TMEM117: variants seen among roughly 807,000 people sequenced by gnomAD.
TMEM117 encodes transmembrane protein 117.
A neutral mutation model predicts 52.4 loss-of-function variants in TMEM117; 27 were observed. The ratio of observed to expected loss-of-function variants is 0.51; its 90% CI spans 0.38 to 0.71. TMEM117 has a LOEUF of 0.71. Ranked by LOEUF, TMEM117 falls within the 30% of genes least tolerant of loss-of-function variation. TMEM117 has a pLI of 0.00. For missense variants in TMEM117, 556 were observed against 630.5 expected (o/e 0.88, Z 1.26); for synonymous variants, 215 against 206.3 (o/e 1.04, Z -0.36).
the TMEM117 span, among the ~76,000 whole-genome samples, chr12:43,807,729 A>G: frequency 2.6e-5 from 4 of 152,130 alleles, no homozygotes; most frequent in African/African-American, 9.7e-5. Flanking sequence ...AGGAATGTCT[A>G]GTTAGGTTGG....
chr12:43,941,819 A>G (rs953754271), intron 2 of TMEM117, among the ~76,000 whole-genome samples: 3 of 152,222 alleles, frequency 2.0e-5, no homozygotes, highest in African/African-American at 4.8e-5. Context: ...TGAGCTTGGC[A>G]GTGACAGCAT....
At chr12:44,225,192 A>T (rs1592621247) in intron 5 of TMEM117, among the ~76,000 whole-genome samples, 1 of 152,202 alleles carries the variant, frequency 6.6e-6, no homozygotes, top group South Asian at 2.1e-4. Flanking sequence ...GAGAAAGAAC[A>T]TACAACTTTT....
At chr12:44,088,653 G>T (rs1282944628) in intron 3 of TMEM117, among the ~76,000 whole-genome samples, 4 of 152,164 alleles carry the variant, frequency 2.6e-5, no homozygotes, top group Non-Finnish European at 4.4e-5. Context: ...TTCATTCAAG[G>T]TTAATCTGAA....
the TMEM117 span, among the ~76,000 whole-genome samples, chr12:43,796,434 CTTAAGAAAAT>C: frequency 2.0e-5 from 3 of 152,024 alleles, no homozygotes; most frequent in Admixed American, 1.3e-4. Context: ...CTTATCTGTA[CTTAAGAAAAT>C]TTAAGAAAAT....
chr12:43,799,527 T>C, the TMEM117 span: 1 of 1,332,456 alleles, frequency 7.5e-7, no homozygotes, highest in East Asian at 2.4e-5. Context: ...TAGACTATAA[T>C]CAGTAATTCT....
chr12:43,832,780 T>C (rs1942990119), upstream of TMEM117, among the ~76,000 whole-genome samples: 1 of 152,200 alleles, frequency 6.6e-6, no homozygotes, highest in Admixed American at 6.5e-5. Flanking sequence ...TTGTGAGATC[T>C]TGAATGAACT....
At chr12:44,033,722 A>C (rs1946669376) in intron 3 of TMEM117, among the ~76,000 whole-genome samples, 1 of 152,226 alleles carries the variant, frequency 6.6e-6, no homozygotes, top group African/African-American at 2.4e-5. Flanking sequence ...CTAAGTGTAG[A>C]AGCACATTTT....
At chr12:44,390,866 C>G (rs73092511), downstream of TMEM117, among the ~76,000 whole-genome samples, 7,449 of 152,102 alleles carry the variant, frequency 0.049, 224 homozygotes, top group Middle Eastern at 0.13. Context: ...ATGAAATAAA[C>G]TAAAAATTAA....
At chr12:44,160,395 C>T (rs768242888) in intron 4 of TMEM117, among the ~76,000 whole-genome samples, 6 of 152,070 alleles carry the variant, frequency 3.9e-5, no homozygotes, top group Admixed American at 6.6e-5. Flanking sequence ...CAGTGCAGTA[C>T]GATCCACCAA....
chr12:44,151,181 A>G (rs1565849704), intron 4 of TMEM117, among the ~76,000 whole-genome samples: 6 of 151,968 alleles, frequency 3.9e-5, no homozygotes. Context: ...GGGGATGCTC[A>G]TTTTTCATCT....
chr12:44,090,913 T>C (rs1947660958), intron 3 of TMEM117, among the ~76,000 whole-genome samples: 1 of 150,292 alleles, frequency 6.7e-6, no homozygotes, highest in Middle Eastern at 3.2e-3. Flanking sequence ...TTACCTCTGA[T>C]AGAGTGTATT....
chr12:43,806,454 G>A, the TMEM117 span: 4 of 1,036,348 alleles, frequency 3.9e-6, no homozygotes, highest in Admixed American at 1.0e-4. Flanking sequence ...CCAGCCCCCG[G>A]CCTCGCTATC....
chr12:44,156,394 G>A (rs1360597004), intron 4 of TMEM117, among the ~76,000 whole-genome samples: 1 of 151,948 alleles, frequency 6.6e-6, no homozygotes, highest in African/African-American at 2.4e-5. Flanking sequence ...TGTTTAGTTG[G>A]GTGCTCTAAT....
At chr12:44,392,982 A>C (rs1412475755), downstream of TMEM117, among the ~76,000 whole-genome samples, 1 of 152,142 alleles carries the variant, frequency 6.6e-6, no homozygotes, top group Non-Finnish European at 1.5e-5. Context: ...TTATCAGCAT[A>C]TAAAAGCTGA....
chr12:44,147,216 G>T (rs7969885), intron 4 of TMEM117, among the ~76,000 whole-genome samples: 40,770 of 152,092 alleles, frequency 0.27, 9,810 homozygotes, highest in African/African-American at 0.65. Context: ...AGAGAAAAGC[G>T]CTGTCATGAA....
chr12:44,265,508 G>A (rs1950367395), intron 5 of TMEM117, among the ~76,000 whole-genome samples: 1 of 152,150 alleles, frequency 6.6e-6, no homozygotes, highest in African/African-American at 2.4e-5. Flanking sequence ...GTGAGAGAGG[G>A]CAGAGCTTTG....
chr12:44,105,387 A>C (rs961529777), intron 3 of TMEM117, among the ~76,000 whole-genome samples: 2 of 151,990 alleles, frequency 1.3e-5, no homozygotes, highest in African/African-American at 4.8e-5. Context: ...CTCTATTAGA[A>C]TCTTTAGAAT....
Position 44,237,457 on chromosome 12 carries a change from C to T in TMEM117, c.608+26070C>T, listed in dbSNP as rs530791232. On this transcript the variant is annotated intron_variant, in intron 5 of 7. Coordinates refer to ENST00000266534, the MANE Select transcript of TMEM117 (RefSeq NM_032256.3). ...ACTATAGGCCAGGCATGGTGGCTCA[C>T]GCCTGTAATCCTAGCACTCTGAGAA... 7.9e-5 allele frequency among the ~76,000 whole-genome samples: 12 copies of T among 152,178 alleles called. No individual in the cohort carries two copies. The South Asian group carries it at 1.0e-3, about 13-fold the overall frequency.
At chr12:44,001,499 A>C (rs1946116207) in intron 3 of TMEM117, among the ~76,000 whole-genome samples, 1 of 152,138 alleles carries the variant, frequency 6.6e-6, no homozygotes, top group African/African-American at 2.4e-5. Context: ...GTTTAATCAA[A>C]TTCTGGATTC....
Sources: allele counts gnomAD v4.1 joint callset (sites outside exome capture counted in the v4.1 genomes callset), GRCh38; gene constraint gnomAD v4.1.1; transcripts MANE v1.5; gene names NCBI Gene and HGNC (gene_info 2026-07-23, HGNC 2026-07-21).